Variants in TIPRL observed in about 807,000 individuals in gnomAD.
TIPRL encodes the protein TIP41-like protein.
A neutral mutation model predicts 32.3 loss-of-function variants in TIPRL; 10 were observed. That is an observed-to-expected ratio of 0.31 (90% CI 0.19 to 0.52). The LOEUF (loss-of-function observed/expected upper bound fraction) is 0.52. Ranked by LOEUF, TIPRL falls within the 20% of genes least tolerant of loss-of-function variation. TIPRL has a pLI of 0.96. For synonymous variants in TIPRL, 100 were observed against 114.0 expected (o/e 0.88, Z 0.78); for missense variants, 250 against 328.1 (o/e 0.76, Z 1.84).
chr1:168,193,922 G>A (rs1700125214), intron 4 of TIPRL, among the ~76,000 whole-genome samples: 1 of 152,110 alleles, frequency 6.6e-6, no homozygotes, highest in African/African-American at 2.4e-5. Context: ...ACATAATGAA[G>A]CAGTCAGGTA....
chr1:168,195,009 C>T (rs1159176651), intron 4 of TIPRL, among the ~76,000 whole-genome samples: 1 of 152,160 alleles, frequency 6.6e-6, no homozygotes, highest in Non-Finnish European at 1.5e-5. Flanking sequence ...GTGGAAGTGA[C>T]ATGTGTACTG....
chr1:168,190,106 C>T (rs770630414), intron 3 of TIPRL, among the ~76,000 whole-genome samples: 1 of 152,150 alleles, frequency 6.6e-6, no homozygotes. Context: ...CTTAGGCAGT[C>T]CTCGTTGGCA....
Position 168,191,220 on chromosome 1 carries a change from TCTA to T in TIPRL, c.385-145_385-143del, listed in dbSNP as rs151187117. The T allele has an allele frequency of 1.3e-3, 641 of 506,324 alleles. 2 individuals carry two copies. Among genetic ancestry groups the T allele is most frequent in the Non-Finnish European group, 1.6e-3 (483 of 308,012 alleles). The allele number at this position is 506,324 out of a possible 1,614,324, so 31.4% of individuals were successfully genotyped here. On this transcript the variant is annotated intron_variant, in intron 3 of 6. Transcript: ENST00000367833. ...TCAAGCCATATTCTGATCTTTTATA[TCTA>T]CTAATGACACCCAAATTTAGAACTG...
rs1427824236 is a variant in TIPRL, at chr1:168,202,098, A to C, written c.*2052A>C. 1 of 152,202 alleles carries C rather than the reference A, an allele frequency of 6.6e-6. No homozygotes were observed. Among genetic ancestry groups the C allele is most frequent in the Non-Finnish European group, 1.5e-5 (1 of 68,024 alleles). The allele number at this position is 152,202 out of a possible 1,614,324, so 9.4% of individuals were successfully genotyped here. A position where few individuals can be genotyped will look rare whatever the true frequency, so the allele number is the denominator to read the frequency against. ...TTTTGTAAGAGGAGAATAAACAATAAGGAATTACTGATCAAAGTTTTACTA... is the reference window on the plus strand; with the variant it reads ...TTTTGTAAGAGGAGAATAAACAATACGGAATTACTGATCAAAGTTTTACTA... On this transcript the variant is annotated 3_prime_UTR_variant, in exon 7 of 7. Coordinates refer to ENST00000367833, the MANE Select transcript of TIPRL (RefSeq NM_152902.5).
At chr1:168,195,897 A>G (rs953763084) in intron 4 of TIPRL, among the ~76,000 whole-genome samples, 1 of 152,030 alleles carries the variant, frequency 6.6e-6, no homozygotes, top group African/African-American at 2.4e-5. Context: ...TAAAGACCCA[A>G]ATACCTCACA....
rs1245005182 is a variant in TIPRL, at chr1:168,191,515, T to C, written c.516+15T>C. On this transcript the variant is annotated intron_variant, in intron 4 of 6. Transcript: ENST00000367833. ...GTGTGAAGATTGTGAGTATTATTTTTATTTAAAATTAATATTTTTCTTGCA... is the reference window on the plus strand; with the variant it reads ...GTGTGAAGATTGTGAGTATTATTTTCATTTAAAATTAATATTTTTCTTGCA... 2.8e-6 allele frequency: 4 copies of C among 1,449,162 alleles called. No individual in the cohort carries two copies. The Admixed American group carries it at 1.1e-4, about 40-fold the overall frequency. 89.8% of individuals were successfully genotyped at this position (1,449,162 alleles called of 1,614,324 possible).
chr1:168,187,083 T>C (rs887401762), intron 3 of TIPRL, among the ~76,000 whole-genome samples: 1 of 152,240 alleles, frequency 6.6e-6, no homozygotes, highest in African/African-American at 2.4e-5. Context: ...TCTTGCTCTA[T>C]GCCAGGCACT....
chr1:168,198,285 A>G (rs1362515134), intron 5 of TIPRL, among the ~76,000 whole-genome samples: 1 of 152,076 alleles, frequency 6.6e-6, no homozygotes, highest in Admixed American at 6.5e-5. Context: ...ATCTGTTTTT[A>G]TTAATACAAG....
Position 168,179,014 on chromosome 1 carries a change from C to A in TIPRL, c.-64C>A. The A allele has an allele frequency of 2.1e-6, 3 of 1,436,904 alleles. No homozygotes were observed. The highest frequency in any genetic ancestry group is 1.4e-5 in the African/African-American group (1 of 71,006). 89.0% of individuals were successfully genotyped at this position (1,436,904 alleles called of 1,614,324 possible). ...CTGGGCCGGAGGGAGGCGGAGGAAC[C>A]GGTGTTCGCCGCCGCCGCTGCTTCA... is the stretch of plus-strand genomic sequence containing the variant. On this transcript the variant is annotated 5_prime_UTR_variant, in exon 1 of 7. Coordinates refer to ENST00000367833, the MANE Select transcript of TIPRL (RefSeq NM_152902.5).
chr1:168,193,193 A>G (rs1023584129), intron 4 of TIPRL, among the ~76,000 whole-genome samples: 1 of 152,150 alleles, frequency 6.6e-6, no homozygotes, highest in African/African-American at 2.4e-5. Context: ...TTTTAGATAA[A>G]TAAAAAATTT....
chr1:168,192,802 C>T (rs1465423627), intron 4 of TIPRL, among the ~76,000 whole-genome samples: 4 of 152,166 alleles, frequency 2.6e-5, no homozygotes, highest in African/African-American at 9.7e-5. Flanking sequence ...AGGAGAATGG[C>T]GTGAACCCGG....
chr1:168,181,019 G>C (rs1699956266), intron 1 of TIPRL, among the ~76,000 whole-genome samples: 1 of 151,700 alleles, frequency 6.6e-6, no homozygotes, highest in East Asian at 1.9e-4. Flanking sequence ...GACTCACTCT[G>C]TCGCCCAGGC....
chr1:168,196,881 G>C (rs74121051), intron 5 of TIPRL, among the ~76,000 whole-genome samples: 2,201 of 152,218 alleles, frequency 0.014, 49 homozygotes, highest in African/African-American at 0.051. Context: ...TAATTGGGGA[G>C]GGGTCTTTTG....
intron 3 of TIPRL, among the ~76,000 whole-genome samples, chr1:168,189,537 G>T (rs1700066614): frequency 6.6e-6 from 1 of 152,024 alleles, no homozygotes; most frequent in Non-Finnish European, 1.5e-5. Flanking sequence ...GTAGAGATGG[G>T]GTTTCACCAT....
intron 4 of TIPRL, among the ~76,000 whole-genome samples, chr1:168,192,749 A>G (rs1337827076): frequency 1.3e-5 from 2 of 151,896 alleles, no homozygotes; most frequent in East Asian, 1.9e-4. Context: ...AGCTGGGCGC[A>G]GTGGCGGGCG....
intron 3 of TIPRL, among the ~76,000 whole-genome samples, chr1:168,189,444 C>T (rs1700065706): frequency 6.6e-6 from 1 of 152,194 alleles, no homozygotes; most frequent in African/African-American, 2.4e-5. Flanking sequence ...CCCGCGGGTT[C>T]AAGCGATTCT....
In TIPRL at chr1:168,198,916, C is replaced by T. The variant is rs1700183351; in HGVS notation, c.613-3C>T. The T allele has an allele frequency of 6.2e-7, 1 of 1,607,578 alleles. No homozygotes were observed. The highest frequency in any genetic ancestry group is 8.5e-7 in the Non-Finnish European group (1 of 1,176,974). ...TATTGCAACTGTTTATTTTTAAATA[C>T]AGGCTGACAAGACCTACATGTTACG... On this transcript the variant is annotated splice_region_variant and splice_polypyrimidine_tract_variant and intron_variant, in intron 5 of 6. Coordinates refer to ENST00000367833, the MANE Select transcript of TIPRL (RefSeq NM_152902.5).
chr1:168,194,668 T>C (rs1700134540), intron 4 of TIPRL, among the ~76,000 whole-genome samples: 2 of 152,262 alleles, frequency 1.3e-5, no homozygotes, highest in Non-Finnish European at 2.9e-5. Flanking sequence ...AGCTTTCCTT[T>C]ACTAAAAGTC....
In TIPRL at chr1:168,179,195, G is replaced by A. The variant is rs1699929330; in HGVS notation, c.104+14G>A. The A allele has an allele frequency of 6.2e-7, 1 of 1,612,640 alleles. No homozygotes were observed. Among genetic ancestry groups the A allele is most frequent in the Non-Finnish European group, 8.5e-7 (1 of 1,179,006 alleles). On this transcript the variant is annotated intron_variant, in intron 1 of 6. Coordinates refer to ENST00000367833, the MANE Select transcript of TIPRL (RefSeq NM_152902.5). Reference sequence around the variant, plus strand: ...GGATGTGGAGAAGTGAGGCTTCGGGGCACGGGGTCTGGGCGCTGGCCGGTT... The same window carrying A: ...GGATGTGGAGAAGTGAGGCTTCGGGACACGGGGTCTGGGCGCTGGCCGGTT...
Sources: gnomAD v4.1 joint callset for allele counts (sites outside exome capture counted in the v4.1 genomes callset) on GRCh38, gnomAD v4.1.1 for gene constraint, MANE v1.5 for transcripts, NCBI Gene and HGNC (gene_info 2026-07-23, HGNC 2026-07-21) for gene names.